RALGPS1: variants seen among roughly 807,000 people sequenced by gnomAD.
RALGPS1 encodes Ral GEF with PH domain and SH3 binding motif 1, also known as ras-specific guanine nucleotide-releasing factor RalGPS1.
In RALGPS1, 19 loss-of-function variants were observed where a neutral mutation model predicts 78.8. The observed-to-expected ratio is 0.24, with a 90% CI of 0.17 to 0.35. RALGPS1 has a LOEUF of 0.35. RALGPS1 is among the 10% of genes least tolerant of loss of function. The pLI is 1.00. For synonymous variants in RALGPS1, 228 were observed against 256.3 expected (o/e 0.89, Z 1.06); for missense variants, 454 against 688.3 (o/e 0.66, Z 3.81).
chr9:127,176,348 C>T (rs754466561), intron 11 of RALGPS1, among the ~76,000 whole-genome samples: 4 of 152,208 alleles, frequency 2.6e-5, no homozygotes, highest in Non-Finnish European at 5.9e-5. Flanking sequence ...TTCTAGAACA[C>T]CTTCCCCCTC....
Position 127,195,083 on chromosome 9 carries a change from G to C in RALGPS1, c.911-8G>C. 6.2e-7 allele frequency: 1 copy of C among 1,613,118 alleles called. No individual in the cohort carries two copies. The highest frequency in any genetic ancestry group is 8.5e-7 in the Non-Finnish European group (1 of 1,179,792). On this transcript the variant is annotated splice_region_variant and splice_polypyrimidine_tract_variant and intron_variant, in intron 11 of 18. Transcript: ENST00000259351. ...CCCCCGTTGTTGCTCTCTCTGCTCT[G>C]TTTGCAGGTCCCTCTGCTGGCTCCG...
chr9:126,929,894 G>A (rs917343400), intron 1 of RALGPS1, among the ~76,000 whole-genome samples: 5 of 152,072 alleles, frequency 3.3e-5, no homozygotes, highest in Admixed American at 6.5e-5. Flanking sequence ...AGGCTGGAGT[G>A]CAGTAGTGCA....
intron 8 of RALGPS1, among the ~76,000 whole-genome samples, chr9:127,106,759 G>A (rs941785743): frequency 1.3e-5 from 2 of 152,160 alleles, no homozygotes; most frequent in Non-Finnish European, 2.9e-5. Flanking sequence ...CCTCTGCACT[G>A]GCCACCCTCC....
intron 8 of RALGPS1, among the ~76,000 whole-genome samples, chr9:127,159,461 A>G (rs1299241503): frequency 6.6e-6 from 1 of 152,202 alleles, no homozygotes; most frequent in African/African-American, 2.4e-5. Context: ...TCATCCAGAA[A>G]GCGTGGCCTC....
chr9:127,090,064 T>C (rs2052281254), intron 8 of RALGPS1, among the ~76,000 whole-genome samples: 1 of 152,142 alleles, frequency 6.6e-6, no homozygotes, highest in Non-Finnish European at 1.5e-5. Context: ...TGGAGCCAGG[T>C]TTTCCCAGAG....
At chr9:127,197,260 C>T (rs558705615) in intron 13 of RALGPS1, among the ~76,000 whole-genome samples, 81 of 151,992 alleles carry the variant, frequency 5.3e-4, no homozygotes, top group African/African-American at 1.8e-3. Context: ...GTTGTAGGTC[C>T]GTACCCCTGC....
At chr9:126,930,926 C>G (rs2035732334) in intron 1 of RALGPS1, among the ~76,000 whole-genome samples, 1 of 152,192 alleles carries the variant, frequency 6.6e-6, no homozygotes, top group South Asian at 2.1e-4. Context: ...TTATCACTCT[C>G]CTTGTGAGAG....
intron 4 of RALGPS1, among the ~76,000 whole-genome samples, chr9:127,033,812 A>G (rs2046630062): frequency 6.6e-6 from 1 of 152,228 alleles, no homozygotes; most frequent in Non-Finnish European, 1.5e-5. Flanking sequence ...CAGTTCTTCA[A>G]ATTATAATGC....
chr9:127,038,485 G>A (rs576927523), intron 5 of RALGPS1, among the ~76,000 whole-genome samples: 80 of 152,242 alleles, frequency 5.3e-4, no homozygotes, highest in African/African-American at 1.9e-3. Context: ...GACAATGTTA[G>A]CATTCTCCTT....
intron 4 of RALGPS1, among the ~76,000 whole-genome samples, chr9:127,031,439 G>A (rs1025996133): frequency 6.6e-6 from 1 of 152,216 alleles, no homozygotes; most frequent in African/African-American, 2.4e-5. Context: ...CTGAATTTGG[G>A]AGGTCTTCAC....
At chr9:127,155,254 C>G (rs933041150) in intron 8 of RALGPS1, among the ~76,000 whole-genome samples, 6 of 152,166 alleles carry the variant, frequency 3.9e-5, no homozygotes, top group Admixed American at 6.5e-5. Context: ...TTTTCTGAGC[C>G]CCTGCTCTAT....
At chr9:126,933,032 T>A (rs1022788832) in intron 1 of RALGPS1, among the ~76,000 whole-genome samples, 3 of 151,560 alleles carry the variant, frequency 2.0e-5, no homozygotes, top group African/African-American at 7.3e-5. Flanking sequence ...GGGAGGGTGG[T>A]GGTGAAGCTG....
chr9:127,067,715 C>T (rs2049841215), intron 7 of RALGPS1, among the ~76,000 whole-genome samples: 1 of 152,188 alleles, frequency 6.6e-6, no homozygotes, highest in Non-Finnish European at 1.5e-5. Flanking sequence ...GACTCCAACC[C>T]TGGGGCTTCT....
chr9:127,146,542 CT>C (rs60707997), intron 8 of RALGPS1, among the ~76,000 whole-genome samples: 53,952 of 130,616 alleles, frequency 0.41, 10,396 homozygotes, highest in Non-Finnish European at 0.46. Context: ...GTGCATGTGT[CT>C]TTTTTTTTTT....
intron 8 of RALGPS1, among the ~76,000 whole-genome samples, chr9:127,120,053 G>A (rs2055885012): frequency 6.6e-6 from 1 of 152,228 alleles, no homozygotes; most frequent in Admixed American, 6.5e-5. Flanking sequence ...GGGCTAAGAT[G>A]TATCAGTGTT....
intron 1 of RALGPS1, among the ~76,000 whole-genome samples, chr9:126,929,264 A>C (rs2035583386): frequency 6.6e-6 from 1 of 152,226 alleles, no homozygotes; most frequent in Non-Finnish European, 1.5e-5. Context: ...CTGAGAGGAT[A>C]AGGATAGCAG....
intron 8 of RALGPS1, among the ~76,000 whole-genome samples, chr9:127,148,019 ACTC>A (rs2058197842): frequency 6.6e-6 from 1 of 152,314 alleles, no homozygotes; most frequent in African/African-American, 2.4e-5. Flanking sequence ...ATTGCCCTAA[ACTC>A]CTCCTCAGTA....
intron 14 of RALGPS1, among the ~76,000 whole-genome samples, chr9:127,207,031 G>A (rs1386780480): frequency 1.3e-5 from 2 of 152,024 alleles, no homozygotes; most frequent in African/African-American, 2.4e-5. Context: ...AGTGTTATAT[G>A]AATAAATGAG....
At position 127,183,886 on chromosome 9, in the gene RALGPS1, G is replaced by A; in HGVS notation, c.910+9104G>A. ...CTTGAGTCTCCCATCTCAGCAGCCT[G>A]TCACATCAAGGTCAAGCAGAAGAGG... On this transcript the variant is annotated intron_variant, in intron 11 of 18. Coordinates refer to ENST00000259351, the MANE Select transcript of RALGPS1 (RefSeq NM_014636.3). The surrounding 1 kb of genome is among the most constrained non-coding windows in gnomAD (Gnocchi z 4.0). 6.5e-7 allele frequency: 1 copy of A among 1,549,376 alleles called. No individual in the cohort carries two copies. The highest frequency in any genetic ancestry group is 8.7e-7 in the Non-Finnish European group (1 of 1,146,658).
Sources: gnomAD v4.1 joint callset for allele counts (sites outside exome capture counted in the v4.1 genomes callset) on GRCh38, gnomAD v4.1.1 for gene constraint, Gnocchi (gnomAD v3.1) non-coding constraint, MANE v1.5 for transcripts, NCBI Gene and HGNC (gene_info 2026-07-23, HGNC 2026-07-21) for gene names.